UBE2G1: variants seen among roughly 807,000 people sequenced by gnomAD.
The protein encoded by UBE2G1 is ubiquitin conjugating enzyme E2 G1.
A neutral mutation model predicts 22.7 loss-of-function variants in UBE2G1; 5 were observed. The observed-to-expected ratio is 0.22, with a 90% CI of 0.12 to 0.46. The LOEUF (loss-of-function observed/expected upper bound fraction) is 0.46, where lower values mean the gene tolerates loss of function less well. Among genes scored for constraint, UBE2G1 ranks in the 20% least tolerant of loss-of-function variants. The pLI is 0.99. For missense variants in UBE2G1, 88 were observed against 203.9 expected, an observed-to-expected ratio of 0.43 and a Z score of 3.46; for synonymous variants, 74 against 67.5, an observed-to-expected ratio of 1.10 and a Z score of -0.47.
At chr17:4,292,135 C>T (rs1969049225) in intron 3 of UBE2G1, among the ~76,000 whole-genome samples, 1 of 151,772 alleles carries the variant, frequency 6.6e-6, no homozygotes, top group African/African-American at 2.4e-5. Flanking sequence ...CGAGACCAGC[C>T]TGGCCAACAT....
intron 1 of UBE2G1, among the ~76,000 whole-genome samples, chr17:4,311,724 C>T (rs974101523): frequency 6.6e-6 from 1 of 152,290 alleles, no homozygotes; most frequent in Non-Finnish European, 1.5e-5. Flanking sequence ...GCTGGCTGCA[C>T]AACATCGTGA....
At chr17:4,294,280 G>A (rs1233310821) in intron 3 of UBE2G1, among the ~76,000 whole-genome samples, 1 of 152,094 alleles carries the variant, frequency 6.6e-6, no homozygotes, top group Non-Finnish European at 1.5e-5. Context: ...GCCAGGCGTG[G>A]TAGTGGACAC....
intron 5 of UBE2G1, among the ~76,000 whole-genome samples, chr17:4,281,846 A>G (rs1968896126): frequency 6.6e-6 from 1 of 152,182 alleles, no homozygotes; most frequent in South Asian, 2.1e-4. Flanking sequence ...GATAGTCTTC[A>G]CTTCAGTTTC....
chr17:4,290,272 G>A (rs1490659652), intron 3 of UBE2G1, among the ~76,000 whole-genome samples: 1 of 152,062 alleles, frequency 6.6e-6, no homozygotes, highest in African/African-American at 2.4e-5. Flanking sequence ...CAATGTTTAT[G>A]TATATTTCAT....
intron 3 of UBE2G1, among the ~76,000 whole-genome samples, chr17:4,290,757 A>G (rs912716891): frequency 2.1e-5 from 3 of 142,756 alleles, no homozygotes; most frequent in Non-Finnish European, 3.0e-5. Flanking sequence ...TTGGGACCAT[A>G]GGCACATGGC....
chr17:4,365,639 G>A (rs1407524850), intron 1 of UBE2G1, among the ~76,000 whole-genome samples: 1 of 152,090 alleles, frequency 6.6e-6, no homozygotes, highest in Non-Finnish European at 1.5e-5. Flanking sequence ...GGCGCAGCCG[G>A]AGCCCGTGCC....
At chr17:4,320,833 C>G (rs1185969119) in intron 1 of UBE2G1, among the ~76,000 whole-genome samples, 1 of 152,054 alleles carries the variant, frequency 6.6e-6, no homozygotes, top group Non-Finnish European at 1.5e-5. Flanking sequence ...AGTCTGAACA[C>G]TAGATAACTC....
At chr17:4,288,737 T>C (rs1969000212) in intron 4 of UBE2G1, among the ~76,000 whole-genome samples, 1 of 152,202 alleles carries the variant, frequency 6.6e-6, no homozygotes. Flanking sequence ...CGACGTATAG[T>C]ATTCTTGAAA....
chr17:4,343,596 T>C lies in UBE2G1; in HGVS notation c.46+22675A>G, dbSNP rs1969735217. ...TATACTCTTCTTCAAACCTTTTTTC[T>C]TTTTTTTTTTGAGACGGAGTCTCGC... On this transcript the variant is annotated intron_variant, in intron 1 of 5. Transcript: ENST00000396981. 9.9e-5 allele frequency among the ~76,000 whole-genome samples: 5 copies of C among 50,428 alleles called. No homozygotes were observed. In the Middle Eastern group the frequency reaches 0.028, roughly 280 times the overall value. The allele number at this position is 50,428 out of a possible 152,430, so 33.1% of individuals were successfully genotyped here. A position where few individuals can be genotyped will look rare whatever the true frequency, so the allele number is the denominator to read the frequency against.
At chr17:4,360,228 TAACA>T (rs1317757412) in intron 1 of UBE2G1, among the ~76,000 whole-genome samples, 2 of 152,164 alleles carry the variant, frequency 1.3e-5, no homozygotes, top group African/African-American at 4.8e-5. Flanking sequence ...ATCTAAATTC[TAACA>T]AAAATTTAAA....
rs370801216 is a variant in UBE2G1, at chr17:4,339,790, G to A, written c.46+26481C>T. 7.7e-4 allele frequency among the ~76,000 whole-genome samples: 117 copies of A among 151,950 alleles called. 3 individuals are homozygous for A. In the East Asian group the frequency reaches 0.016, roughly 20 times the overall value. ...CTTGAACCCGGGAGGTGGAGGTTGC[G>A]GTGAGCCGAGATCATGCCATTGCGC... On this transcript the variant is annotated intron_variant, in intron 1 of 5. Coordinates refer to ENST00000396981, the MANE Select transcript of UBE2G1 (RefSeq NM_003342.5).
In UBE2G1 at chr17:4,366,342, C is replaced by A. The variant is rs751941211; in HGVS notation, c.-26G>T. On this transcript the variant is annotated 5_prime_UTR_variant, in exon 1 of 6. Transcript: ENST00000396981. ...CCTCCCTGCCGAGGGCCCGGGCTGG[C>A]GCCGGGGCTTCCGAAGGGCTGGGGA... 1.3e-6 allele frequency: 2 copies of A among 1,526,874 alleles called. No individual in the cohort carries two copies. Among genetic ancestry groups the A allele is most frequent in the Non-Finnish European group, 1.7e-6 (2 of 1,146,476 alleles). 94.6% of individuals were successfully genotyped at this position (1,526,874 alleles called of 1,614,324 possible). A position where few individuals can be genotyped will look rare whatever the true frequency, so the allele number is the denominator to read the frequency against.
chr17:4,346,457 CAG>C (rs926461434), intron 1 of UBE2G1, among the ~76,000 whole-genome samples: 2 of 126,216 alleles, frequency 1.6e-5, no homozygotes, highest in Non-Finnish European at 3.2e-5. Context: ...TTTTTTGAGA[CAG>C]AGTCTCGCGC....
At chr17:4,306,892 G>A (rs561692301) in intron 2 of UBE2G1, 129 bp downstream of exon 2, 135 of 655,660 alleles carry the variant, frequency 2.1e-4, no homozygotes, top group Middle Eastern at 5.9e-4. Context: ...CCTCATGATC[G>A]GCCCGCCTTG....
chr17:4,289,272 C>T lies in UBE2G1; in HGVS notation c.384G>A (p.Leu128=), dbSNP rs1308096556. 2 of 1,595,384 alleles carry T rather than the reference C, an allele frequency of 1.3e-6. No homozygotes were observed. The highest frequency in any genetic ancestry group is 1.7e-6 in the Non-Finnish European group (2 of 1,171,266). Residue 128 remains leucine, a synonymous_variant, in exon 4 of 6, where the codon CTG becomes CTA. Transcript: ENST00000396981. The part of the protein sequence containing the change: ...ETIMISVISM[L]ADPNGDSPAN... ...CAGGTGAGTCTCCATTAGGGTCTGCCAGCATAGAAATGACACTAATCATGA... is the reference window on the plus strand; with the variant it reads ...CAGGTGAGTCTCCATTAGGGTCTGCTAGCATAGAAATGACACTAATCATGA...
chr17:4,269,401 G>C lies in UBE2G1; in HGVS notation c.*3153C>G, dbSNP rs1331699082. 6.5e-6 allele frequency: 1 copy of C among 153,812 alleles called. No homozygotes were observed. Among genetic ancestry groups the C allele is most frequent in the Non-Finnish European group, 1.4e-5 (1 of 69,036 alleles). The allele number at this position is 153,812 out of a possible 1,614,324, so 9.5% of individuals were successfully genotyped here. ...ACAGAACTAAAAAAACTGAAATGAA[G>C]CAACATTATGTCAAATTTCAAAGAT... On this transcript the variant is annotated 3_prime_UTR_variant, in exon 6 of 6. Transcript: ENST00000396981.
At position 4,308,214 on chromosome 17, in the gene UBE2G1, G is replaced by A. The variant is rs573223915; in HGVS notation, c.47-1091C>T. 6.6e-5 allele frequency among the ~76,000 whole-genome samples: 10 copies of A among 152,286 alleles called. No homozygotes were observed. In the South Asian group the frequency reaches 1.2e-3, roughly 19 times the overall value. On this transcript the variant is annotated intron_variant, in intron 1 of 5. Transcript: ENST00000396981. Reference sequence around the variant, plus strand: ...ATTAAAAATACAAAATTAGCTGGGCGTAGTGGCACATGCCTGTAATCCCAG... The same window carrying A: ...ATTAAAAATACAAAATTAGCTGGGCATAGTGGCACATGCCTGTAATCCCAG...
chr17:4,353,448 G>GATATAT (rs142740176), intron 1 of UBE2G1, among the ~76,000 whole-genome samples: 45 of 139,510 alleles, frequency 3.2e-4, no homozygotes, highest in African/African-American at 1.2e-3. Flanking sequence ...GAGTTTCGTT[G>GATATAT]ATATATATAT....
intron 1 of UBE2G1, among the ~76,000 whole-genome samples, chr17:4,346,153 A>G (rs1399103641): frequency 1.3e-5 from 2 of 152,150 alleles, no homozygotes; most frequent in Non-Finnish European, 2.9e-5. Context: ...TTTAACTCAT[A>G]CTTTCTACCT....
Sources: gnomAD v4.1 joint callset for allele counts (sites outside exome capture counted in the v4.1 genomes callset) on GRCh38, gnomAD v4.1.1 for gene constraint, MANE v1.5 for transcripts, NCBI Gene and HGNC (gene_info 2026-07-23, HGNC 2026-07-21) for gene names.